The following KPNA6 variants were observed in gnomAD, a reference collection of about 807,000 sequenced individuals.
The protein encoded by KPNA6 is karyopherin subunit alpha 6, also known as importin subunit alpha-7.
A neutral mutation model predicts 72.0 loss-of-function variants in KPNA6; 9 were observed. That is an observed-to-expected ratio of 0.13 (90% confidence interval 0.08 to 0.22). The LOEUF (loss-of-function observed/expected upper bound fraction) is 0.22, where lower values mean the gene tolerates loss of function less well. KPNA6 is among the 10% of genes least tolerant of loss of function. KPNA6 has a pLI of 1.00. For missense variants in KPNA6, 374 were observed against 655.7 expected (o/e 0.57, Z 4.69); for synonymous variants, 219 against 242.1 (o/e 0.90, Z 0.89).
chr1:32,124,964 C>T (rs1270782777), intron 1 of KPNA6, among the ~76,000 whole-genome samples: 1 of 152,176 alleles, frequency 6.6e-6, no homozygotes, highest in African/African-American at 2.4e-5. Flanking sequence ...CCTGCCTCAG[C>T]CTCCTGAGTA....
chr1:32,136,970 A>G (rs1641745172), intron 1 of KPNA6, among the ~76,000 whole-genome samples: 3 of 152,224 alleles, frequency 2.0e-5, no homozygotes, highest in Admixed American at 2.0e-4. Flanking sequence ...AATGAGTAGT[A>G]GAGGAGAAAA....
At chr1:32,143,077 CTGTT>C (rs1179406439) in intron 1 of KPNA6, 1 of 1,041,698 alleles carries the variant, frequency 9.6e-7, no homozygotes, top group Non-Finnish European at 1.3e-6. Context: ...GTTGTCTACT[CTGTT>C]AGTCTCACAG....
At chr1:32,148,194 T>C (rs1363244550) in intron 1 of KPNA6, among the ~76,000 whole-genome samples, 1 of 152,176 alleles carries the variant, frequency 6.6e-6, no homozygotes, top group Non-Finnish European at 1.5e-5. Flanking sequence ...AGTCTCTGCC[T>C]CCCAGGTTCA....
chr1:32,145,577 G>A (rs1168636257), intron 1 of KPNA6, among the ~76,000 whole-genome samples: 1 of 151,662 alleles, frequency 6.6e-6, no homozygotes, highest in African/African-American at 2.4e-5. Context: ...TGCCCACCTC[G>A]GCCTCCCAAA....
intron 1 of KPNA6, among the ~76,000 whole-genome samples, chr1:32,109,482 TTTTG>T (rs1337327818): frequency 6.6e-6 from 1 of 151,492 alleles, no homozygotes; most frequent in East Asian, 1.9e-4. Context: ...TGTTTTTTTG[TTTTG>T]TTTTTTTTTT....
intron 1 of KPNA6, among the ~76,000 whole-genome samples, chr1:32,147,982 G>A (rs186128287): frequency 2.0e-5 from 3 of 152,060 alleles, no homozygotes; most frequent in Admixed American, 6.6e-5. Flanking sequence ...TCATAATTTC[G>A]AATGAGAAAT....
chr1:32,154,775 G>T (rs1362810513), intron 2 of KPNA6, 54 bp downstream of exon 2: 14 of 1,599,098 alleles, frequency 8.8e-6, no homozygotes, highest in Non-Finnish European at 1.2e-5. Context: ...AAGCCCCTAT[G>T]GTTGGCCTCC....
intron 1 of KPNA6, among the ~76,000 whole-genome samples, chr1:32,152,612 G>A (rs551834035): frequency 7.2e-5 from 11 of 152,192 alleles, no homozygotes; most frequent in South Asian, 2.1e-4. Flanking sequence ...TTGGGAGGCC[G>A]AGGCAGGTGG....
At chr1:32,154,350 C>CT (rs1304246725) in intron 1 of KPNA6, among the ~76,000 whole-genome samples, 1 of 147,640 alleles carries the variant, frequency 6.8e-6, no homozygotes, top group Admixed American at 6.9e-5. Context: ...AGGGCCCACA[C>CT]TTTTAACTAC....
intron 1 of KPNA6, among the ~76,000 whole-genome samples, chr1:32,123,799 GC>G (rs1382495682): frequency 2.7e-5 from 4 of 150,528 alleles, no homozygotes; most frequent in South Asian, 2.1e-4. Flanking sequence ...ACTCTGGGAG[GC>G]CAAGGCAGGT....
At chr1:32,153,815 CATTT>C (rs1642083946) in intron 1 of KPNA6, among the ~76,000 whole-genome samples, 2 of 152,020 alleles carry the variant, frequency 1.3e-5, no homozygotes, top group Admixed American at 1.3e-4. Flanking sequence ...GTCAAGTTAA[CATTT>C]ATTTACCTAC....
intron 1 of KPNA6, among the ~76,000 whole-genome samples, chr1:32,140,881 G>C (rs1641824759): frequency 6.6e-6 from 1 of 152,178 alleles, no homozygotes; most frequent in South Asian, 2.1e-4. Context: ...AGCCATCTTT[G>C]ATGTTTTCTT....
At chr1:32,166,260 G>T in intron 11 of KPNA6, 30 bp downstream of exon 11, 1 of 1,599,434 alleles carries the variant, frequency 6.3e-7, no homozygotes, top group Non-Finnish European at 8.5e-7. Context: ...CAAGGGGCAT[G>T]GGAAGTCATA....
At chr1:32,109,497 T>A (rs932813834) in intron 1 of KPNA6, among the ~76,000 whole-genome samples, 19 of 151,972 alleles carry the variant, frequency 1.3e-4, no homozygotes, top group Admixed American at 5.3e-4. Flanking sequence ...TTTTTTTTTT[T>A]AAATGACCTG....
At chr1:32,153,016 C>CAAA (rs766574019) in intron 1 of KPNA6, among the ~76,000 whole-genome samples, 2,455 of 34,858 alleles carry the variant, frequency 0.07, 282 homozygotes, top group East Asian at 0.22. Flanking sequence ...GACTCCATCT[C>CAAA]AAAAAAAAAA....
intron 1 of KPNA6, among the ~76,000 whole-genome samples, chr1:32,110,598 G>C (rs1162869987): frequency 6.6e-6 from 1 of 152,088 alleles, no homozygotes; most frequent in Non-Finnish European, 1.5e-5. Context: ...AAGATATTTG[G>C]GGACTAAATA....
At chr1:32,127,043 A>G (rs1244637717) in intron 1 of KPNA6, among the ~76,000 whole-genome samples, 1 of 152,202 alleles carries the variant, frequency 6.6e-6, no homozygotes, top group Admixed American at 6.5e-5. Flanking sequence ...TAGGCCCTAG[A>G]TACTTTCACA....
chr1:32,125,686 C>T (rs1177124089), intron 1 of KPNA6, among the ~76,000 whole-genome samples: 1 of 152,098 alleles, frequency 6.6e-6, no homozygotes, highest in East Asian at 1.9e-4. Flanking sequence ...CTATTTTGCC[C>T]TTTGGGTATG....
intron 11 of KPNA6, 76 bp downstream of exon 11, chr1:32,166,306 A>G: frequency 6.6e-7 from 1 of 1,512,280 alleles, no homozygotes; most frequent in Non-Finnish European, 8.9e-7. Context: ...TTGCTTTCAG[A>G]AGAAAGAATT....
Sources: allele counts gnomAD v4.1 joint callset (sites outside exome capture counted in the v4.1 genomes callset), GRCh38; gene constraint gnomAD v4.1.1; transcripts MANE v1.5; gene names NCBI Gene and HGNC (gene_info 2026-07-23, HGNC 2026-07-21).